The following LRRC4C variants were observed in gnomAD, a reference collection of about 807,000 sequenced individuals.
The protein encoded by LRRC4C is leucine-rich repeat-containing protein 4C.
A neutral mutation model predicts 33.6 loss-of-function variants in LRRC4C; 5 were observed. The ratio of observed to expected loss-of-function variants is 0.15; its 90% CI spans 0.08 to 0.31. The LOEUF is 0.31. LRRC4C is among the 10% of genes least tolerant of loss of function. The probability of loss-of-function intolerance (pLI) is 1.00; values close to 1 mark genes in which losing one functional copy is unlikely to be tolerated. For synonymous variants in LRRC4C, 329 were observed against 302.0 expected (o/e 1.09, Z -0.93); for missense variants, 560 against 796.7 (o/e 0.70, Z 3.58).
chr11:40,805,469 G>T (rs1951204466), intron 2 of LRRC4C, among the ~76,000 whole-genome samples: 1 of 151,800 alleles, frequency 6.6e-6, no homozygotes, highest in Non-Finnish European at 1.5e-5. Context: ...TCTTTTTTTT[G>T]TAAATAAACA....
chr11:40,270,653 A>T (rs11822082), intron 4 of LRRC4C, among the ~76,000 whole-genome samples: 6 of 151,856 alleles, frequency 4.0e-5, no homozygotes, highest in African/African-American at 1.5e-4. Context: ...CTTTCAACCA[A>T]TCTAAGAACC....
chr11:41,245,896 G>A (rs1278092992), intron 1 of LRRC4C, among the ~76,000 whole-genome samples: 3 of 152,172 alleles, frequency 2.0e-5, no homozygotes, highest in Non-Finnish European at 4.4e-5. Context: ...TTGTCTGCCC[G>A]AGTCTGGCTG....
intron 3 of LRRC4C, among the ~76,000 whole-genome samples, chr11:40,528,536 C>T (rs116158928): frequency 0.014 from 2,166 of 151,400 alleles, 54 homozygotes; most frequent in African/African-American, 0.049. Flanking sequence ...TGTACATTGT[C>T]GGTGGGAATG....
chr11:40,505,773 T>C (rs1167230584), intron 3 of LRRC4C, among the ~76,000 whole-genome samples: 1 of 152,160 alleles, frequency 6.6e-6, no homozygotes, highest in Admixed American at 6.6e-5. Context: ...AAAGAGGAAA[T>C]GGGAGCTCGA....
intron 1 of LRRC4C, among the ~76,000 whole-genome samples, chr11:41,193,828 C>A (rs1323308913): frequency 6.6e-6 from 1 of 151,714 alleles, no homozygotes; most frequent in Non-Finnish European, 1.5e-5. Flanking sequence ...CCATATGGAC[C>A]CTTCTATGAT....
chr11:40,712,849 C>T (rs1244977842), intron 2 of LRRC4C, among the ~76,000 whole-genome samples: 2 of 151,476 alleles, frequency 1.3e-5, no homozygotes, highest in South Asian at 2.1e-4. Context: ...TTCAATAGAT[C>T]GTTTGTTATT....
intron 2 of LRRC4C, among the ~76,000 whole-genome samples, chr11:40,889,133 G>T (rs752750281): frequency 1.3e-5 from 2 of 152,018 alleles, no homozygotes; most frequent in Non-Finnish European, 2.9e-5. Flanking sequence ...TTTATTAAAA[G>T]CATGTTCATT....
chr11:40,633,335 TTC>T (rs1440352245), intron 3 of LRRC4C, among the ~76,000 whole-genome samples: 9 of 24,372 alleles, frequency 3.7e-4, no homozygotes, highest in African/African-American at 1.3e-3. Flanking sequence ...TTTTCTTTCT[TTC>T]TTTCTTTCTT....
intron 1 of LRRC4C, among the ~76,000 whole-genome samples, chr11:41,224,391 A>C (rs2136409293): frequency 6.6e-6 from 1 of 152,298 alleles, no homozygotes; most frequent in African/African-American, 2.4e-5. Flanking sequence ...GCAATTTATT[A>C]GCTCTGTAAC....
intron 3 of LRRC4C, among the ~76,000 whole-genome samples, chr11:40,625,062 G>T (rs1168209443): frequency 6.6e-6 from 1 of 152,054 alleles, no homozygotes; most frequent in South Asian, 2.1e-4. Context: ...TAATACTGTA[G>T]TATTAATATT....
At chr11:41,141,223 C>A (rs1429594621) in intron 1 of LRRC4C, among the ~76,000 whole-genome samples, 1 of 152,046 alleles carries the variant, frequency 6.6e-6, no homozygotes, top group Admixed American at 6.6e-5. Flanking sequence ...CTTCTTTCAG[C>A]CCCAATGCTC....
rs563212665 is a variant in LRRC4C, at chr11:40,800,615, G to T, written c.-407+133020C>A. Among the ~76,000 whole-genome samples the T allele has an allele frequency of 1.1e-3, 160 of 152,182 alleles. 1 individual carries two copies. Among genetic ancestry groups the T allele is most frequent in the Non-Finnish European group, 1.7e-3 (113 of 68,008 alleles). On this transcript the variant is annotated intron_variant, in intron 2 of 6. Coordinates refer to ENST00000528697, the MANE Select transcript of LRRC4C (RefSeq NM_001258419.2). ...GAATAATTAACTCTGTATTTTGAAG[G>T]GTTGAGGAAATTAAGCTTTAGAGGC...
intron 5 of LRRC4C, among the ~76,000 whole-genome samples, chr11:40,200,784 A>AAAAAAAAAAG (rs71060946): frequency 8.5e-4 from 67 of 78,420 alleles, no homozygotes; most frequent in African/African-American, 1.3e-3. Context: ...AAAAAAAAAA[A>AAAAAAAAAAG]AAAAGAAAAG....
rs12293299 is a variant in LRRC4C, at chr11:40,508,532, C to T, written c.-270+139610G>A. Among the ~76,000 whole-genome samples the T allele has an allele frequency of 6.7e-3, 1,020 of 152,198 alleles. 17 individuals carry two copies. Among genetic ancestry groups the T allele is most frequent in the African/African-American group, 0.024 (978 of 41,520 alleles). On this transcript the variant is annotated intron_variant, in intron 3 of 6. Coordinates refer to ENST00000528697, the MANE Select transcript of LRRC4C (RefSeq NM_001258419.2). ...CTTGTCAGCATTTAGCTCATGTACT[C>T]ACCAGGCCAGAATGAAATAATAGCT...
intron 1 of LRRC4C, among the ~76,000 whole-genome samples, chr11:41,295,574 A>C (rs1285490089): frequency 1.3e-5 from 2 of 151,186 alleles, no homozygotes; most frequent in African/African-American, 2.4e-5. Context: ...ACTCTTTTTG[A>C]GTTTATACGT....
chr11:41,173,171 T>C (rs1945050143), intron 1 of LRRC4C, among the ~76,000 whole-genome samples: 2 of 152,122 alleles, frequency 1.3e-5, no homozygotes, highest in African/African-American at 2.4e-5. Flanking sequence ...ATAAACCAAT[T>C]CCTTATATGA....
At chr11:40,961,888 G>T (rs367714663) in intron 1 of LRRC4C, among the ~76,000 whole-genome samples, 1 of 151,606 alleles carries the variant, frequency 6.6e-6, no homozygotes, top group African/African-American at 2.4e-5. Flanking sequence ...AGGGTAGGGG[G>T]TGTTAAATTA....
chr11:41,027,022 G>A (rs1856422569), intron 1 of LRRC4C, among the ~76,000 whole-genome samples: 1 of 151,408 alleles, frequency 6.6e-6, no homozygotes, highest in African/African-American at 2.4e-5. Context: ...TATCTTACTT[G>A]TTGCTAGTCT....
intron 3 of LRRC4C, among the ~76,000 whole-genome samples, chr11:40,447,514 C>G (rs1046952885): frequency 6.6e-6 from 1 of 152,118 alleles, no homozygotes; most frequent in African/African-American, 2.4e-5. Context: ...TCTCAACAAT[C>G]CAGGGGTCTT....
Sources: allele counts gnomAD v4.1 joint callset (sites outside exome capture counted in the v4.1 genomes callset), GRCh38; gene constraint gnomAD v4.1.1; transcripts MANE v1.5; gene names NCBI Gene and HGNC (gene_info 2026-07-23, HGNC 2026-07-21).